Variants in ATE1 observed in about 807,000 individuals in gnomAD.
ATE1 encodes the protein arginyltransferase 1, also known as arginyl-tRNA--protein transferase 1.
In ATE1, 36 loss-of-function variants were observed where a neutral mutation model predicts 70.5. The observed-to-expected ratio is 0.51, with a 90% CI of 0.39 to 0.67. ATE1 has a LOEUF of 0.67. Ranked by LOEUF, ATE1 falls within the 30% of genes least tolerant of loss-of-function variation. ATE1 has a pLI of 0.00. For missense variants in ATE1, 593 were observed against 629.5 expected, an observed-to-expected ratio of 0.94 and a Z score of 0.62; for synonymous variants, 232 against 219.3, an observed-to-expected ratio of 1.06 and a Z score of -0.51.
intron 10 of ATE1, among the ~76,000 whole-genome samples, chr10:121,828,434 G>A (rs568752632): frequency 1.3e-5 from 2 of 152,288 alleles, no homozygotes; most frequent in South Asian, 2.1e-4. Context: ...GCTCAGTCAC[G>A]CAGGTGCATT....
At chr10:121,821,130 G>C (rs558746365) in intron 10 of ATE1, among the ~76,000 whole-genome samples, 1 of 152,250 alleles carries the variant, frequency 6.6e-6, no homozygotes, top group African/African-American at 2.4e-5. Context: ...ATCGTTAGTA[G>C]AGACGGGGTT....
At chr10:121,919,724 C>T (rs924093434) in intron 3 of ATE1, among the ~76,000 whole-genome samples, 2 of 152,156 alleles carry the variant, frequency 1.3e-5, no homozygotes, top group African/African-American at 2.4e-5. Flanking sequence ...ATGGTGAAAC[C>T]CCGTCTCTAC....
At chr10:121,761,850 CACTA>C (rs1318704852) in intron 11 of ATE1, among the ~76,000 whole-genome samples, 2 of 152,114 alleles carry the variant, frequency 1.3e-5, no homozygotes, top group African/African-American at 4.8e-5. Context: ...AGTTCCTTTT[CACTA>C]ACTTTTACAA....
intron 11 of ATE1, among the ~76,000 whole-genome samples, chr10:121,787,276 A>G (rs1168416852): frequency 6.6e-6 from 1 of 152,236 alleles, no homozygotes; most frequent in African/African-American, 2.4e-5. Context: ...ACGAACAACA[A>G]TTATTGCCCA....
chr10:121,819,679 CAAAAAA>C lies in ATE1; in HGVS notation c.1257+17033_1257+17038del, dbSNP rs57035123. Among the ~76,000 whole-genome samples the C allele has an allele frequency of 4.2e-4, 22 of 52,726 alleles. 1 individual carries two copies. The highest frequency in any genetic ancestry group is 1.8e-3 in the African/African-American group (21 of 11,436). 34.6% of individuals were successfully genotyped at this position (52,726 alleles called of 152,430 possible). On this transcript the variant is annotated intron_variant, in intron 10 of 11. Transcript: ENST00000224652. ...CCTGGGTGACAGAGCAAGACTGTCT[CAAAAAA>C]AAAAAAAAAAAAAAAAGACTACACA... is the stretch of plus-strand genomic sequence containing the variant.
intron 10 of ATE1, among the ~76,000 whole-genome samples, chr10:121,810,735 C>T (rs1333755092): frequency 6.6e-6 from 1 of 152,098 alleles, no homozygotes; most frequent in African/African-American, 2.4e-5. Context: ...CAGAGTCTCA[C>T]TGTGTCGCCC....
chr10:121,832,578 G>A (rs567409958), intron 10 of ATE1, among the ~76,000 whole-genome samples: 1 of 152,320 alleles, frequency 6.6e-6, no homozygotes, highest in Non-Finnish European at 1.5e-5. Flanking sequence ...CACGATATCT[G>A]ATGGTTTTAT....
At chr10:121,743,910 T>A (rs1241705754) in intron 11 of ATE1, 52 bp from the exon 12 acceptor site, 1 of 1,507,524 alleles carries the variant, frequency 6.6e-7, no homozygotes, top group Non-Finnish European at 8.8e-7. Context: ...CAAAACTTTT[T>A]GTTTCCTTTT....
At position 121,927,909 on chromosome 10, in the gene ATE1, T is replaced by C. The variant is rs754634417; in HGVS notation, c.41A>G (p.Tyr14Cys). ...GCGGTAGAAGTCCTCGCTAGGGAAA[T>C]AGTCCACGACGCTGGGCGAACCCCC... The part of the protein sequence containing the change: ...WAGGSPSVVD[Y>C]FPSEDFYRCG... The change falls in exon 1 of 12, where the codon TAT (tyrosine) becomes TGT (cysteine). Residue 14 changes from tyrosine to cysteine, a missense_variant. Tyr to Cys is a radical substitution (Grantham distance 194, BLOSUM62 -2). This residue lies in a region of ATE1 where 467 missense variants were observed against 469.6 expected (regional missense o/e 0.99). Coordinates refer to ENST00000224652, the MANE Select transcript of ATE1 (RefSeq NM_001001976.3). The C allele has an allele frequency of 4.4e-6, 7 of 1,591,410 alleles. No individual in the cohort carries two copies. Among genetic ancestry groups the C allele is most frequent in the Non-Finnish European group, 6.0e-6 (7 of 1,171,702 alleles).
chr10:121,863,762 A>G (rs1949561873), intron 8 of ATE1, among the ~76,000 whole-genome samples: 1 of 152,120 alleles, frequency 6.6e-6, no homozygotes, highest in Non-Finnish European at 1.5e-5. Flanking sequence ...GGCACACGCC[A>G]CTACGCCCAG....
intron 10 of ATE1, among the ~76,000 whole-genome samples, chr10:121,795,849 A>G (rs773920020): frequency 6.6e-6 from 1 of 152,250 alleles, no homozygotes; most frequent in Non-Finnish European, 1.5e-5. Flanking sequence ...TTCAGCTAGT[A>G]TAAGAAAATG....
rs1018115565 is a variant in ATE1, at chr10:121,924,128, C to CA, written c.170+137dup. On this transcript the variant is annotated intron_variant, in intron 2 of 11. Transcript: ENST00000224652. ...CTAACAAAGTTTTTTAAAAAGGAGA[C>CA]AAAAAATCACTACATAAAAGAATAT... 1.1e-4 allele frequency: 78 copies of CA among 694,244 alleles called. No individual in the cohort carries two copies. In the African/African-American group the frequency reaches 1.2e-3, roughly 11 times the overall value. 43.0% of individuals were successfully genotyped at this position (694,244 alleles called of 1,614,324 possible).
chr10:121,852,756 T>C (rs1323921878), intron 8 of ATE1, among the ~76,000 whole-genome samples: 1 of 152,164 alleles, frequency 6.6e-6, no homozygotes, highest in East Asian at 1.9e-4. Context: ...GCTAAGCCAC[T>C]GTGGCTTCAT....
At chr10:121,888,838 T>G (rs919144523) in intron 7 of ATE1, among the ~76,000 whole-genome samples, 3 of 152,040 alleles carry the variant, frequency 2.0e-5, no homozygotes, top group Admixed American at 1.3e-4. Context: ...ATAAAATAGA[T>G]AACTCACACT....
At chr10:121,848,284 G>GTTCATTCATTCATTCA (rs59186969) in intron 8 of ATE1, among the ~76,000 whole-genome samples, 67 of 150,186 alleles carry the variant, frequency 4.5e-4, no homozygotes, top group African/African-American at 1.5e-3. Flanking sequence ...TCTAATGTGC[G>GTTCATTCATTCATTCA]TTCATTCATT....
At chr10:121,800,999 G>A (rs992605568) in intron 10 of ATE1, among the ~76,000 whole-genome samples, 1 of 152,116 alleles carries the variant, frequency 6.6e-6, no homozygotes, top group Admixed American at 6.5e-5. Flanking sequence ...CCAAGAGAGT[G>A]CTTTAGAAGT....
At chr10:121,901,750 C>G (rs1225279924) in intron 6 of ATE1, among the ~76,000 whole-genome samples, 1 of 152,172 alleles carries the variant, frequency 6.6e-6, no homozygotes, top group Non-Finnish European at 1.5e-5. Flanking sequence ...GCCACCACAT[C>G]CAGCCCTTGT....
chr10:121,889,343 G>A (rs1950508244), intron 7 of ATE1, among the ~76,000 whole-genome samples: 1 of 151,236 alleles, frequency 6.6e-6, no homozygotes, highest in Non-Finnish European at 1.5e-5. Flanking sequence ...ACTGTGATAC[G>A]GAACATTCTA....
intron 3 of ATE1, among the ~76,000 whole-genome samples, chr10:121,920,055 C>CA (rs149419037): frequency 0.014 from 2,105 of 152,128 alleles, 44 homozygotes; most frequent in African/African-American, 0.048. Context: ...AACTAATGGA[C>CA]AAAAAACTGT....
Sources: allele counts gnomAD v4.1 joint callset (sites outside exome capture counted in the v4.1 genomes callset), GRCh38; gene constraint gnomAD v4.1.1; regional missense constraint gnomAD v4.1.1; transcripts MANE v1.5; gene names NCBI Gene and HGNC (gene_info 2026-07-23, HGNC 2026-07-21).